Variants in MTMR7 observed in about 807,000 individuals in gnomAD.
MTMR7 encodes myotubularin related protein 7, also known as phosphatidylinositol-3-phosphate phosphatase MTMR7.
In MTMR7, 76 loss-of-function variants were observed where a neutral mutation model predicts 81.2. That is an observed-to-expected ratio of 0.94 (90% CI 0.78 to 1.13). The LOEUF is 1.13. Ranked by LOEUF, MTMR7 falls within the 50% of genes most tolerant of loss-of-function variation. The pLI is 0.00. For synonymous variants in MTMR7, 372 were observed against 289.8 expected (o/e 1.28, Z -2.88); for missense variants, 1,044 against 820.0 (o/e 1.27, Z -3.34).
intron 7 of MTMR7, among the ~76,000 whole-genome samples, chr8:17,330,747 G>C (rs192835503): frequency 9.3e-4 from 142 of 152,208 alleles, no homozygotes; most frequent in African/African-American, 3.3e-3. Flanking sequence ...TTCTCCCTTC[G>C]AATGGCCATT....
intron 6 of MTMR7, among the ~76,000 whole-genome samples, chr8:17,333,601 G>A (rs1819123635): frequency 6.6e-6 from 1 of 152,156 alleles, no homozygotes; most frequent in East Asian, 1.9e-4. Flanking sequence ...TGTAATTCCA[G>A]CATTCTGGGA....
In MTMR7 at chr8:17,373,020, G is replaced by C. The variant is rs998681656; in HGVS notation, c.147+98C>G. On this transcript the variant is annotated intron_variant, in intron 2 of 13. Coordinates refer to ENST00000180173, the MANE Select transcript of MTMR7 (RefSeq NM_004686.5). ...AGTTCCCCAACATCCAGGCACAAAAGCCCACCCATCTCACCCTGAGGAAAA... is the reference window on the plus strand; with the variant it reads ...AGTTCCCCAACATCCAGGCACAAAACCCCACCCATCTCACCCTGAGGAAAA... 55 of 1,440,558 alleles carry C rather than the reference G, an allele frequency of 3.8e-5. No individual in the cohort carries two copies. The East Asian group carries it at 1.2e-3, about 32-fold the overall frequency. The allele number at this position is 1,440,558 out of a possible 1,614,324, so 89.2% of individuals were successfully genotyped here.
At chr8:17,400,576 C>T (rs1821398157) in intron 1 of MTMR7, among the ~76,000 whole-genome samples, 1 of 152,138 alleles carries the variant, frequency 6.6e-6, no homozygotes, top group African/African-American at 2.4e-5. Context: ...TCAAGCGTTA[C>T]CCTTGGTTTT....
intron 2 of MTMR7, among the ~76,000 whole-genome samples, chr8:17,371,851 G>GTTTT (rs33920646): frequency 1.9e-5 from 2 of 104,814 alleles, no homozygotes; most frequent in Non-Finnish European, 3.9e-5. Context: ...CTTACCTATA[G>GTTTT]TTTTTTTTTT....
chr8:17,325,957 T>TA (rs1818658544), intron 7 of MTMR7, among the ~76,000 whole-genome samples: 1 of 152,244 alleles, frequency 6.6e-6, no homozygotes, highest in African/African-American at 2.4e-5. Flanking sequence ...ATACCCACCT[T>TA]ACACTGGAAA....
At position 17,303,013 on chromosome 8, in the gene MTMR7, T is replaced by G. The variant is rs563986459; in HGVS notation, c.1494-733A>C. On this transcript the variant is annotated intron_variant, in intron 12 of 13. Transcript: ENST00000180173. ...GGCGGGAGCCACCACGCCTGACCAA[T>G]AAATCCCTTTTTATCCTACACAAAA... Among the ~76,000 whole-genome samples the G allele has an allele frequency of 6.6e-5, 10 of 152,064 alleles. No homozygotes were observed. The South Asian group carries it at 2.1e-3, about 32-fold the overall frequency.
intron 6 of MTMR7, among the ~76,000 whole-genome samples, chr8:17,332,563 T>C (rs374571385): frequency 1.3e-5 from 2 of 152,142 alleles, no homozygotes; most frequent in Admixed American, 6.5e-5. Flanking sequence ...CCATTGGAAG[T>C]TGAAAATGCC....
At chr8:17,386,512 A>G (rs1286171901) in intron 1 of MTMR7, among the ~76,000 whole-genome samples, 1 of 152,234 alleles carries the variant, frequency 6.6e-6, no homozygotes, top group Non-Finnish European at 1.5e-5. Context: ...AAGGGCTTTT[A>G]TTGGATCATA....
At chr8:17,390,807 T>A (rs1229096238) in intron 1 of MTMR7, among the ~76,000 whole-genome samples, 1 of 152,132 alleles carries the variant, frequency 6.6e-6, no homozygotes, top group Admixed American at 6.5e-5. Flanking sequence ...TCAGCTCTCA[T>A]GAGAACTCAC....
intron 1 of MTMR7, among the ~76,000 whole-genome samples, chr8:17,406,749 T>C (rs1468401761): frequency 6.6e-6 from 1 of 152,126 alleles, no homozygotes; most frequent in East Asian, 1.9e-4. Flanking sequence ...AACTGATAAA[T>C]GTATAAACAA....
intron 7 of MTMR7, among the ~76,000 whole-genome samples, chr8:17,314,039 C>T (rs1453228457): frequency 6.6e-6 from 1 of 152,104 alleles, no homozygotes; most frequent in East Asian, 1.9e-4. Context: ...CCTAGGATCC[C>T]AGTGGTATCT....
intron 1 of MTMR7, among the ~76,000 whole-genome samples, chr8:17,387,955 G>A (rs565141912): frequency 6.6e-6 from 1 of 152,212 alleles, no homozygotes; most frequent in African/African-American, 2.4e-5. Context: ...TGACGTTTAA[G>A]GAAATTTTAA....
chr8:17,401,497 G>A (rs1821428244), intron 1 of MTMR7, among the ~76,000 whole-genome samples: 1 of 152,070 alleles, frequency 6.6e-6, no homozygotes, highest in Non-Finnish European at 1.5e-5. Flanking sequence ...GGAGACCCAC[G>A]AAAGAAGTCC....
At chr8:17,349,127 C>T (rs1370311861) in intron 4 of MTMR7, 46 bp from the exon 5 acceptor site, 2 of 1,590,920 alleles carry the variant, frequency 1.3e-6, no homozygotes, top group Non-Finnish European at 1.7e-6. Flanking sequence ...TCTAGTAATG[C>T]CCTGCGAACT....
chr8:17,322,698 G>A (rs930475746), intron 7 of MTMR7, among the ~76,000 whole-genome samples: 3 of 152,038 alleles, frequency 2.0e-5, no homozygotes, highest in Non-Finnish European at 2.9e-5. Context: ...GGAGGTGCAC[G>A]CCTGTAGTCC....
chr8:17,358,652 C>G (rs1437289980), intron 4 of MTMR7, among the ~76,000 whole-genome samples: 1 of 152,110 alleles, frequency 6.6e-6, no homozygotes, highest in Non-Finnish European at 1.5e-5. Flanking sequence ...AATATGAATT[C>G]TATAGGCCAT....
intron 4 of MTMR7, among the ~76,000 whole-genome samples, chr8:17,357,470 A>G (rs572865775): frequency 6.6e-6 from 1 of 152,328 alleles, no homozygotes; most frequent in South Asian, 2.1e-4. Flanking sequence ...ACAATACCAC[A>G]TACTACTACA....
Position 17,361,269 on chromosome 8 carries a change from A to G in MTMR7, c.316T>C (p.Tyr106His). The change falls in exon 4 of 14, where the codon TAT (tyrosine) becomes CAT (histidine). Residue 106 changes from tyrosine (Y) to histidine (H), a missense_variant. Physicochemically the swap from Tyr to His is moderately conservative, Grantham distance 83. Transcript: ENST00000180173. ...AATGAAAAGCAGTATAACTCCTCAT[A>G]TTTCACTGCAAGAAAAGGTAGGATA... Reference protein sequence around the residue: ...SLIRLARPVKYEELYCFSFNP... With the variant: ...SLIRLARPVKHEELYCFSFNP... The G allele has an allele frequency of 6.2e-7, 1 of 1,614,072 alleles. No homozygotes were observed. The highest frequency in any genetic ancestry group is 1.1e-5 in the South Asian group (1 of 91,076).
At chr8:17,315,901 T>A (rs1043882630) in intron 7 of MTMR7, among the ~76,000 whole-genome samples, 2 of 152,128 alleles carry the variant, frequency 1.3e-5, no homozygotes, top group African/African-American at 4.8e-5. Context: ...CTGTCCCAGC[T>A]ACTTGGGAGG....
Sources: gnomAD v4.1 joint callset for allele counts (sites outside exome capture counted in the v4.1 genomes callset) on GRCh38, gnomAD v4.1.1 for gene constraint, MANE v1.5 for transcripts, NCBI Gene and HGNC (gene_info 2026-07-23, HGNC 2026-07-21) for gene names.